Variants in PLXDC2 observed in about 807,000 individuals in gnomAD.
The protein encoded by PLXDC2 is plexin domain containing 2.
A neutral mutation model predicts 68.9 loss-of-function variants in PLXDC2; 40 were observed. The ratio of observed to expected loss-of-function variants is 0.58; its 90% CI spans 0.45 to 0.76. The LOEUF is 0.76. PLXDC2 is among the 30% of genes least tolerant of loss of function. The probability of loss-of-function intolerance (pLI) is 0.00; values close to 1 mark genes in which losing one functional copy is unlikely to be tolerated. For missense variants in PLXDC2, 644 were observed against 661.9 expected, an observed-to-expected ratio of 0.97 and a Z score of 0.30; for synonymous variants, 243 against 234.2, an observed-to-expected ratio of 1.04 and a Z score of -0.34.
intron 1 of PLXDC2, among the ~76,000 whole-genome samples, chr10:19,895,985 T>C (rs1838050532): frequency 6.6e-6 from 1 of 152,098 alleles, no homozygotes; most frequent in Non-Finnish European, 1.5e-5. Context: ...ATGGTACCAC[T>C]CCAGGAAGGT....
At chr10:20,159,239 G>A (rs1311057379) in intron 6 of PLXDC2, among the ~76,000 whole-genome samples, 1 of 152,194 alleles carries the variant, frequency 6.6e-6, no homozygotes, top group Non-Finnish European at 1.5e-5. Flanking sequence ...AGACCGTGAA[G>A]TGAGTGAGTC....
chr10:20,055,647 A>G (rs561116230), intron 3 of PLXDC2, among the ~76,000 whole-genome samples: 1 of 152,208 alleles, frequency 6.6e-6, no homozygotes, highest in Admixed American at 6.5e-5. Flanking sequence ...GTGAGACACA[A>G]GTTTATCAAC....
At position 20,032,704 on chromosome 10, in the gene PLXDC2, T is replaced by A. The variant is rs551166232; in HGVS notation, c.325-14165T>A. Reference sequence around the variant, plus strand: ...TTGTATGTGTTATATAGAACTGGTTTTATATCCCTGGGATTTATGTAGTGC... The same window carrying A: ...TTGTATGTGTTATATAGAACTGGTTATATATCCCTGGGATTTATGTAGTGC... On this transcript the variant is annotated intron_variant, in intron 2 of 13. Transcript: ENST00000377252. 5.9e-5 allele frequency among the ~76,000 whole-genome samples: 9 copies of A among 152,112 alleles called. No homozygotes were observed. In the South Asian group the frequency reaches 1.7e-3, roughly 28 times the overall value.
At chr10:19,977,236 G>A (rs1459197554) in intron 1 of PLXDC2, among the ~76,000 whole-genome samples, 3 of 152,166 alleles carry the variant, frequency 2.0e-5, no homozygotes, top group African/African-American at 7.2e-5. Flanking sequence ...TTGTGCTGGG[G>A]AGATTCTGGG....
intron 1 of PLXDC2, among the ~76,000 whole-genome samples, chr10:19,939,398 G>A (rs919718141): frequency 7.9e-5 from 12 of 152,038 alleles, no homozygotes; most frequent in African/African-American, 2.9e-4. Flanking sequence ...AGAATCTCAG[G>A]GAGTTATATC....
At chr10:19,979,164 C>T (rs539423830) in intron 1 of PLXDC2, among the ~76,000 whole-genome samples, 1 of 152,114 alleles carries the variant, frequency 6.6e-6, no homozygotes, top group Admixed American at 6.5e-5. Flanking sequence ...CCTTTTTCTC[C>T]CACTTCTGCA....
chr10:20,176,917 A>G (rs975886847), intron 7 of PLXDC2, 82 bp from the exon 8 acceptor site: 4 of 998,824 alleles, frequency 4.0e-6, no homozygotes, highest in African/African-American at 1.6e-5. Context: ...ATATGTATAT[A>G]ATTCTATATC....
At chr10:20,030,914 T>C (rs1414095631) in intron 2 of PLXDC2, among the ~76,000 whole-genome samples, 2 of 152,048 alleles carry the variant, frequency 1.3e-5, no homozygotes, top group East Asian at 3.9e-4. Context: ...CAGATTCATA[T>C]TTGTCCATTG....
intron 3 of PLXDC2, among the ~76,000 whole-genome samples, chr10:20,062,316 A>T (rs10764193): frequency 0.11 from 16,269 of 152,098 alleles, 1,002 homozygotes; most frequent in South Asian, 0.29. Flanking sequence ...CCCAGCTACT[A>T]GGGAGGCTGA....
chr10:20,239,359 G>A (rs1835483466), intron 12 of PLXDC2, among the ~76,000 whole-genome samples: 1 of 152,158 alleles, frequency 6.6e-6, no homozygotes, highest in Non-Finnish European at 1.5e-5. Flanking sequence ...CTATCAAGAA[G>A]TCCCTGAGAT....
At chr10:19,859,549 A>G (rs1411001014) in intron 1 of PLXDC2, among the ~76,000 whole-genome samples, 1 of 152,174 alleles carries the variant, frequency 6.6e-6, no homozygotes, top group Non-Finnish European at 1.5e-5. Flanking sequence ...TTAATTTCAG[A>G]CATATTATAG....
At chr10:19,997,960 G>A (rs1286266982) in intron 1 of PLXDC2, among the ~76,000 whole-genome samples, 3 of 152,118 alleles carry the variant, frequency 2.0e-5, no homozygotes, top group African/African-American at 7.2e-5. Flanking sequence ...TATTCCAATG[G>A]GAATCAAGAG....
chr10:20,216,484 T>C (rs544618484), intron 10 of PLXDC2, among the ~76,000 whole-genome samples: 6 of 152,268 alleles, frequency 3.9e-5, no homozygotes, highest in Admixed American at 2.6e-4. Flanking sequence ...TCATATCCTA[T>C]TAATGAAAAG....
intron 9 of PLXDC2, among the ~76,000 whole-genome samples, chr10:20,201,075 T>G (rs1301126890): frequency 6.6e-6 from 1 of 152,050 alleles, no homozygotes; most frequent in African/African-American, 2.4e-5. Context: ...ACATCTCCAC[T>G]CCCATGTTTA....
At chr10:20,066,445 G>T (rs1414552633) in intron 3 of PLXDC2, among the ~76,000 whole-genome samples, 1 of 152,150 alleles carries the variant, frequency 6.6e-6, no homozygotes, top group Non-Finnish European at 1.5e-5. Flanking sequence ...CCAATTTACT[G>T]ATAAGCATGG....
Position 20,279,951 on chromosome 10 carries a change from G to T in PLXDC2, c.*132G>T. On this transcript the variant is annotated 3_prime_UTR_variant, in exon 14 of 14. Coordinates refer to ENST00000377252, the MANE Select transcript of PLXDC2 (RefSeq NM_032812.9). ...AGCTGCTGTAGCCTGAAGAAGACAA[G>T]ATTTCTGGACAAGCTCAGCCCAGGA... 1 of 693,512 alleles carries T rather than the reference G, an allele frequency of 1.4e-6. No individual in the cohort carries two copies. The highest frequency in any genetic ancestry group is 2.5e-6 in the Non-Finnish European group (1 of 404,718). The allele number at this position is 693,512 out of a possible 1,614,324, so 43.0% of individuals were successfully genotyped here. A position where few individuals can be genotyped will look rare whatever the true frequency, so the allele number is the denominator to read the frequency against.
At chr10:19,934,101 G>T (rs79449887) in intron 1 of PLXDC2, among the ~76,000 whole-genome samples, 9 of 152,064 alleles carry the variant, frequency 5.9e-5, no homozygotes, top group Admixed American at 3.3e-4. Context: ...GATAAAATGC[G>T]TGATCATTGG....
chr10:20,158,822 G>T (rs1234270498), intron 6 of PLXDC2, among the ~76,000 whole-genome samples: 1 of 152,120 alleles, frequency 6.6e-6, no homozygotes, highest in African/African-American at 2.4e-5. Context: ...AGGCAGACAT[G>T]TTCCATAGGA....
At chr10:20,227,629 A>T (rs1564360199) in intron 12 of PLXDC2, among the ~76,000 whole-genome samples, 1 of 152,172 alleles carries the variant, frequency 6.6e-6, no homozygotes, top group Non-Finnish European at 1.5e-5. Context: ...TATCAGAATA[A>T]GTGGAGTGTC....
Sources: allele counts gnomAD v4.1 joint callset (sites outside exome capture counted in the v4.1 genomes callset), GRCh38; gene constraint gnomAD v4.1.1; transcripts MANE v1.5; gene names NCBI Gene and HGNC (gene_info 2026-07-23, HGNC 2026-07-21).